TBC1D31: variants seen among roughly 807,000 people sequenced by gnomAD.
TBC1D31 encodes TBC1 domain family member 31, also known as WD repeat domain 67.
TBC1D31 carries 99 observed loss-of-function variants against 132.9 expected under a neutral mutation model. The observed-to-expected ratio is 0.74, with a 90% CI of 0.63 to 0.88. TBC1D31 has a LOEUF of 0.88. TBC1D31 is among the 40% of genes least tolerant of loss of function. TBC1D31 has a pLI of 0.00. For missense variants in TBC1D31, 1,134 were observed against 1,256.6 expected (o/e 0.90, Z 1.48); for synonymous variants, 385 against 419.4 (o/e 0.92, Z 1.00).
chr8:123,102,386 C>T, intron 7 of TBC1D31: 2 of 363,970 alleles, frequency 5.5e-6, no homozygotes, highest in South Asian at 2.1e-5. Context: ...AAAGTTTGTG[C>T]CTCCTCCTTT....
chr8:123,150,092 T>C lies in TBC1D31; in HGVS notation c.3031T>C (p.Leu1011=). 1.9e-6 allele frequency: 3 copies of C among 1,614,038 alleles called. No homozygotes were observed. Among genetic ancestry groups the C allele is most frequent in the Non-Finnish European group, 2.5e-6 (3 of 1,179,928 alleles). ...DSSCLPRTSQ[L]NDSSEMDPST... ...AAGCTGTTTGCCTAGAACCTCACAATTAAATGACTCTTCTGAAATGGATCC... is the reference window on the plus strand; with the variant it reads ...AAGCTGTTTGCCTAGAACCTCACAACTAAATGACTCTTCTGAAATGGATCC... The change falls in exon 21 of 22, where the codon TTA becomes CTA. Residue 1011 remains leucine (L), a synonymous_variant. Transcript: ENST00000287380.
Position 123,099,189 on chromosome 8 carries a change from G to A in TBC1D31, c.832-1618G>A, listed in dbSNP as rs191075878. 3.0e-3 allele frequency among the ~76,000 whole-genome samples: 451 copies of A among 152,080 alleles called. 2 individuals carry two copies. The highest frequency in any genetic ancestry group is 5.2e-3 in the Non-Finnish European group (356 of 67,976). The stretch of plus-strand genomic sequence containing the variant: ...GGCTGGAGAGCAGTGGCATGATCTC[G>A]GCTCACTGCAAGCTCCGCCTCCCAG... On this transcript the variant is annotated intron_variant, in intron 6 of 21. Coordinates refer to ENST00000287380, the MANE Select transcript of TBC1D31 (RefSeq NM_145647.4).
At chr8:123,114,313 G>GT in intron 10 of TBC1D31, among the ~76,000 whole-genome samples, 1 of 134,556 alleles carries the variant, frequency 7.4e-6, no homozygotes, top group East Asian at 2.0e-4. Context: ...CTGTTTGTTT[G>GT]TTTTTTGTTG....
intron 6 of TBC1D31, among the ~76,000 whole-genome samples, chr8:123,098,668 T>C (rs1817068613): frequency 6.6e-6 from 1 of 152,242 alleles, no homozygotes; most frequent in African/African-American, 2.4e-5. Context: ...GTGTTGCAGT[T>C]TATTTTTTAA....
chr8:123,125,942 T>A (rs942459593), intron 11 of TBC1D31, 114 bp from the exon 12 acceptor site: 10 of 681,702 alleles, frequency 1.5e-5, no homozygotes, highest in Admixed American at 4.0e-5. Context: ...AGTTTTTTTT[T>A]ATTATTCATG....
In TBC1D31 at chr8:123,142,350, A is replaced by G; in HGVS notation, c.2729A>G (p.Asp910Gly). The G allele has an allele frequency of 6.2e-7, 1 of 1,611,520 alleles. No homozygotes were observed. Among genetic ancestry groups the G allele is most frequent in the Non-Finnish European group, 8.5e-7 (1 of 1,179,096 alleles). ...IQSLHKQKCD[D>G]LQRNKCYQEV... ...TCTTTACATAAACAAAAATGTGATGATCTACAACGAAACAAATGTTACCAG... is the reference window on the plus strand; with the variant it reads ...TCTTTACATAAACAAAAATGTGATGGTCTACAACGAAACAAATGTTACCAG... The change falls in exon 19 of 22, where the codon GAT becomes GGT. Residue 910 changes from aspartate to glycine, a missense_variant. Physicochemically the swap from Asp to Gly is moderately conservative, Grantham distance 94. Coordinates refer to ENST00000287380, the MANE Select transcript of TBC1D31 (RefSeq NM_145647.4).
rs372072012 is a variant in TBC1D31 at position 123,111,170 on chromosome 8, C to T, written c.1436+1550C>T. Among the ~76,000 whole-genome samples the T allele has an allele frequency of 3.9e-5, 6 of 151,942 alleles. No homozygotes were observed. The East Asian group carries it at 7.7e-4, about 20-fold the overall frequency. On this transcript the variant is annotated intron_variant, in intron 10 of 21. Coordinates refer to ENST00000287380, the MANE Select transcript of TBC1D31 (RefSeq NM_145647.4). ...TAGGTGGTTTTATGTACTTGTTAGG[C>T]GGATTATAATTAATACCTGGCTGTC...
chr8:123,157,811 T>C, the TBC1D31 span, among the ~76,000 whole-genome samples: 1 of 151,928 alleles, frequency 6.6e-6, no homozygotes, highest in African/African-American at 2.4e-5. Context: ...GCGCCCCAGG[T>C]TTCCACGGCC....
At chr8:123,099,360 T>C (rs1817142078) in intron 6 of TBC1D31, among the ~76,000 whole-genome samples, 1 of 152,206 alleles carries the variant, frequency 6.6e-6, no homozygotes, top group Non-Finnish European at 1.5e-5. Flanking sequence ...GACCTCGTGA[T>C]CCGCCCGTGT....
At chr8:123,075,296 G>A (rs7843487) in intron 1 of TBC1D31, among the ~76,000 whole-genome samples, 104,053 of 152,074 alleles carry the variant, frequency 0.68, 35,811 homozygotes, top group African/African-American at 0.73. Flanking sequence ...ATTTCCTTTA[G>A]TGAGTCTAAA....
chr8:123,095,221 C>G (rs1816734897), intron 5 of TBC1D31, among the ~76,000 whole-genome samples: 1 of 152,068 alleles, frequency 6.6e-6, no homozygotes, highest in South Asian at 2.1e-4. Context: ...GGTTTGTGTA[C>G]TTTCATAAGG....
Position 123,142,312 on chromosome 8 carries a change from C to G in TBC1D31, c.2691C>G (p.Asp897Glu). ...AKAEQACLNTDWQIQSLHKQK... is the reference protein window; with the variant it reads ...AKAEQACLNTEWQIQSLHKQK... ...CTGAACAAGCATGCCTAAATACCGA[C>G]TGGCAGATTCAGTCTTTACATAAAC... Residue 897 changes from aspartate (D) to glutamate (E), a missense_variant, in exon 19 of 22, where the codon GAC (aspartate) becomes GAG (glutamate). Asp to Glu is a conservative substitution (Grantham distance 45). Transcript: ENST00000287380. 1.9e-6 allele frequency: 3 copies of G among 1,600,670 alleles called. No individual in the cohort carries two copies. Among genetic ancestry groups the G allele is most frequent in the Non-Finnish European group, 1.7e-6 (2 of 1,175,798 alleles).
chr8:123,135,042 G>C (rs929933189), intron 17 of TBC1D31, among the ~76,000 whole-genome samples: 2 of 152,194 alleles, frequency 1.3e-5, no homozygotes, highest in African/African-American at 4.8e-5. Context: ...TGGGACTACA[G>C]ACGTGCGCCA....
At chr8:123,094,810 G>A (rs1197839709) in intron 5 of TBC1D31, among the ~76,000 whole-genome samples, 1 of 152,076 alleles carries the variant, frequency 6.6e-6, no homozygotes, top group Non-Finnish European at 1.5e-5. Context: ...CAAAGTGCTG[G>A]GATTACAGGC....
At chr8:123,155,024 G>A (rs536906615), downstream of TBC1D31, among the ~76,000 whole-genome samples, 5 of 152,254 alleles carry the variant, frequency 3.3e-5, no homozygotes, top group East Asian at 3.9e-4. The surrounding 1 kb of genome is among the most constrained non-coding windows in gnomAD (Gnocchi z 4.1). Flanking sequence ...TAACTGCCAC[G>A]CTTATACCAT....
Position 123,151,865 on chromosome 8 carries a change from G to C in TBC1D31, c.3127G>C (p.Val1043Leu). 6.3e-7 allele frequency: 1 copy of C among 1,591,744 alleles called. No homozygotes were observed. The highest frequency in any genetic ancestry group is 8.5e-7 in the Non-Finnish European group (1 of 1,172,994). The stretch of plus-strand genomic sequence containing the variant: ...CACGGGACAGAATCTTATTAAGAAA[G>C]TGAGAAATCTTCGCCAGAGACTCAC... ...DTTGQNLIKK[V>L]RNLRQRLTAR... Residue 1043 changes from valine to leucine, a missense_variant, in exon 22 of 22, where the codon GTG becomes CTG. By Grantham distance (32) the Val-to-Leu change is conservative. Transcript: ENST00000287380.
At chr8:123,118,009 G>T (rs927959903) in intron 10 of TBC1D31, among the ~76,000 whole-genome samples, 2 of 152,194 alleles carry the variant, frequency 1.3e-5, no homozygotes, top group African/African-American at 4.8e-5. Context: ...CCAAAAATAT[G>T]TAACCTCATT....
rs1262718652 is a variant in TBC1D31, at chr8:123,128,294, A to G, written c.1898A>G (p.His633Arg). ...GTTTTCTTACAGTTTTTTTTTCACC[A>G]TCGGAATAACCTGGATATAAATGTT... is the stretch of plus-strand genomic sequence containing the variant. ...LKDDFEFFFH[H>R]RNNLDINVVI... The change falls in exon 14 of 22, where the codon CAT (histidine) becomes CGT (arginine). Residue 633 changes from histidine to arginine, a missense_variant. Physicochemically the swap from His to Arg is conservative, Grantham distance 29 (BLOSUM62 0). Coordinates refer to ENST00000287380, the MANE Select transcript of TBC1D31 (RefSeq NM_145647.4). 3 of 1,590,374 alleles carry G rather than the reference A, an allele frequency of 1.9e-6. No homozygotes were observed. The highest frequency in any genetic ancestry group is 2.6e-6 in the Non-Finnish European group (3 of 1,165,148).
At chr8:123,104,293 TA>T (rs1286728496) in intron 7 of TBC1D31, 7 of 152,228 alleles carry the variant, frequency 4.6e-5, no homozygotes, top group Non-Finnish European at 1.0e-4. Flanking sequence ...TTTTACTTGT[TA>T]AAATGTTCCC....
Sources: allele counts gnomAD v4.1 joint callset (sites outside exome capture counted in the v4.1 genomes callset), GRCh38; gene constraint gnomAD v4.1.1; non-coding constraint Gnocchi (gnomAD v3.1); transcripts MANE v1.5; gene names NCBI Gene and HGNC (gene_info 2026-07-23, HGNC 2026-07-21).